DNAH8: variants seen among roughly 807,000 people sequenced by gnomAD.
DNAH8 encodes axonemal beta dynein heavy chain 8.
In DNAH8, 382 loss-of-function variants were observed where a neutral mutation model predicts 562.1. The ratio of observed to expected loss-of-function variants is 0.68; its 90% confidence interval spans 0.63 to 0.74. The LOEUF (loss-of-function observed/expected upper bound fraction) is 0.74. Ranked by LOEUF, DNAH8 falls within the 30% of genes least tolerant of loss-of-function variation. The pLI is 0.00. For synonymous variants in DNAH8, 1,881 were observed against 1,919.4 expected (o/e 0.98, Z 0.52); for missense variants, 5,203 against 5,620.4 (o/e 0.93, Z 2.37).
At chr6:38,776,163 A>G (rs1269587961) in intron 13 of DNAH8, among the ~76,000 whole-genome samples, 3 of 152,130 alleles carry the variant, frequency 2.0e-5, no homozygotes, top group Non-Finnish European at 2.9e-5. Flanking sequence ...AGCATATCCA[A>G]TAAAAGACAT....
chr6:38,754,774 G>A (rs890517515), intron 9 of DNAH8, among the ~76,000 whole-genome samples: 2 of 152,006 alleles, frequency 1.3e-5, no homozygotes, highest in Non-Finnish European at 2.9e-5. Context: ...TGCAAAATGG[G>A]AATAATGATA....
chr6:38,820,592 T>C (rs1738216), intron 26 of DNAH8, among the ~76,000 whole-genome samples: 75,098 of 151,960 alleles, frequency 0.49, 19,534 homozygotes, highest in East Asian at 0.69. Context: ...TTTAAAGGAC[T>C]CTTAAATTTA....
chr6:38,873,368 A>G lies in DNAH8; in HGVS notation c.7612A>G (p.Ile2538Val), dbSNP rs1373687911. Residue 2538 changes from isoleucine (I) to valine (V), a missense_variant, in exon 52 of 93, where the codon ATT becomes GTT. Ile to Val is a conservative substitution (Grantham distance 29). Around this residue, in one of 6 missense-constraint regions of DNAH8, gnomAD observed 977 missense variants for 1,061.8 expected, o/e 0.92. Transcript: ENST00000327475. ...PKMQLLECNYIVQSLNLLEGL... is the reference protein window; with the variant it reads ...PKMQLLECNYVVQSLNLLEGL... ...AATGCAGCTCTTGGAGTGCAACTAT[A>G]TTGTGCAAGTAAGATTTTTTTTTGT... 1.9e-6 allele frequency: 3 copies of G among 1,591,286 alleles called. No individual in the cohort carries two copies. In the South Asian group the frequency reaches 3.5e-5, roughly 19 times the overall value.
chr6:38,981,723 T>A (rs1764051108), intron 85 of DNAH8, among the ~76,000 whole-genome samples: 1 of 152,222 alleles, frequency 6.6e-6, no homozygotes, highest in Admixed American at 6.5e-5. Flanking sequence ...ATTCAACAGG[T>A]ATTTGTTGAG....
At chr6:38,770,365 AACAAATGTCTCACTTTCT>A (rs1767444715) in intron 11 of DNAH8, 30 bp from the exon 12 acceptor site, 9 of 1,329,774 alleles carry the variant, frequency 6.8e-6, no homozygotes, top group Non-Finnish European at 9.3e-6. Flanking sequence ...TCGATTCCTG[AACAAATGTCTCACTTTCT>A]TTTCCCTATT....
At chr6:38,854,025 C>CGT (rs371568318) in intron 41 of DNAH8, among the ~76,000 whole-genome samples, 68 of 150,236 alleles carry the variant, frequency 4.5e-4, no homozygotes, top group South Asian at 1.1e-3. Context: ...TGTAAGTGCA[C>CGT]GTGTGTGTGT....
chr6:38,964,384 G>A, intron 82 of DNAH8, among the ~76,000 whole-genome samples: 1 of 106,302 alleles, frequency 9.4e-6, no homozygotes, highest in South Asian at 4.1e-4. Flanking sequence ...CTCCCGGACG[G>A]GGCGGCTGGC....
At chr6:38,759,748 G>A (rs1320649977) in intron 10 of DNAH8, among the ~76,000 whole-genome samples, 1 of 151,986 alleles carries the variant, frequency 6.6e-6, no homozygotes, top group African/African-American at 2.4e-5. Flanking sequence ...GGTGTTGTCT[G>A]ATCACTTTGG....
intron 18 of DNAH8, among the ~76,000 whole-genome samples, chr6:38,787,418 A>G (rs1769274675): frequency 6.6e-6 from 1 of 152,130 alleles, no homozygotes; most frequent in Non-Finnish European, 1.5e-5. Context: ...TGAAAATGGT[A>G]GGCAAAAACT....
intron 26 of DNAH8, 35 bp from the exon 27 acceptor site, chr6:38,822,803 G>T: frequency 7.2e-7 from 1 of 1,395,262 alleles, no homozygotes; most frequent in East Asian, 2.5e-5. Context: ...GTTGAATATA[G>T]AAGTTATTTA....
chr6:38,814,190 C>A, intron 25 of DNAH8, 61 bp downstream of exon 25: 1 of 960,564 alleles, frequency 1.0e-6, no homozygotes, highest in Non-Finnish European at 1.6e-6. Flanking sequence ...AGTACTAGAA[C>A]TGAGCTTTCA....
intron 56 of DNAH8, among the ~76,000 whole-genome samples, chr6:38,885,238 C>A (rs1466101207): frequency 6.6e-6 from 1 of 152,188 alleles, no homozygotes; most frequent in Non-Finnish European, 1.5e-5. Flanking sequence ...TTAACACCTC[C>A]AACACCTGCT....
intron 91 of DNAH8, among the ~76,000 whole-genome samples, chr6:39,017,849 T>C (rs1391912906): frequency 3.9e-5 from 6 of 152,226 alleles, no homozygotes; most frequent in Non-Finnish European, 8.8e-5. Flanking sequence ...GGAAACATCA[T>C]CAACTAGCTA....
chr6:38,785,557 G>A (rs1769071361), intron 17 of DNAH8, among the ~76,000 whole-genome samples: 1 of 152,000 alleles, frequency 6.6e-6, no homozygotes. Context: ...TGGGATTTCT[G>A]CACCTGTCCA....
chr6:38,756,961 A>G (rs1765972625), intron 10 of DNAH8, among the ~76,000 whole-genome samples: 1 of 152,084 alleles, frequency 6.6e-6, no homozygotes, highest in African/African-American at 2.4e-5. Flanking sequence ...TGCTATTGTG[A>G]ATAGTGCCGC....
chr6:38,829,202 A>G (rs191842175), intron 30 of DNAH8, among the ~76,000 whole-genome samples: 57 of 152,130 alleles, frequency 3.7e-4, no homozygotes, highest in African/African-American at 1.2e-3. Context: ...TTTACTTTTG[A>G]GTTGTAAGAA....
chr6:38,896,309 A>G, intron 60 of DNAH8, 84 bp downstream of exon 60: 1 of 1,150,128 alleles, frequency 8.7e-7, no homozygotes, highest in Non-Finnish European at 1.2e-6. Context: ...CCTACCATGG[A>G]GTTGCTATAA....
intron 12 of DNAH8, among the ~76,000 whole-genome samples, chr6:38,771,744 A>G (rs1343597362): frequency 6.6e-6 from 1 of 151,674 alleles, no homozygotes; most frequent in African/African-American, 2.4e-5. Flanking sequence ...TCATTGAAGA[A>G]TATTCCATTG....
At chr6:38,790,206 A>AT in intron 19 of DNAH8, 83 bp from the exon 20 acceptor site, 1 of 791,380 alleles carries the variant, frequency 1.3e-6, no homozygotes, top group South Asian at 1.5e-5. Flanking sequence ...ATAACATATA[A>AT]TATTTGTAGG....
Sources: allele counts gnomAD v4.1 joint callset (sites outside exome capture counted in the v4.1 genomes callset), GRCh38; gene constraint gnomAD v4.1.1; regional missense constraint gnomAD v4.1.1; transcripts MANE v1.5; gene names NCBI Gene and HGNC (gene_info 2026-07-23, HGNC 2026-07-21).